Variants in ROBO1 observed in about 807,000 individuals in gnomAD.
The protein encoded by ROBO1 is roundabout homolog 1.
In ROBO1, 149 loss-of-function variants were observed where a neutral mutation model predicts 195.9. The observed-to-expected ratio is 0.76, with a 90% CI of 0.67 to 0.87. The LOEUF is 0.87. ROBO1 is among the 40% of genes least tolerant of loss of function. ROBO1 has a pLI of 0.00. For synonymous variants in ROBO1, 816 were observed against 733.2 expected (o/e 1.11, Z -1.82); for missense variants, 1,933 against 2,068.3 (o/e 0.93, Z 1.27).
chr3:79,708,985 G>T (rs917587427), intron 1 of ROBO1, among the ~76,000 whole-genome samples: 1 of 151,780 alleles, frequency 6.6e-6, no homozygotes, highest in African/African-American at 2.4e-5. Context: ...AAATTTTCCA[G>T]ATCAATTCAA....
At chr3:79,253,156 G>C (rs144440778) in intron 2 of ROBO1, among the ~76,000 whole-genome samples, 1 of 152,088 alleles carries the variant, frequency 6.6e-6, no homozygotes, top group East Asian at 1.9e-4. Context: ...GCAGTGTGTA[G>C]ACAAAAAAGA....
chr3:78,964,323 A>G lies in ROBO1; in HGVS notation c.173-25396T>C, dbSNP rs1380485574. On this transcript the variant is annotated intron_variant, in intron 3 of 30. Transcript: ENST00000464233. ...CTTCAACAACATTTTGGGGGACAAA[A>G]TTCAACCCGTAACCATAGGATAAGC... 4.6e-5 allele frequency among the ~76,000 whole-genome samples: 7 copies of G among 152,214 alleles called. No homozygotes were observed. The South Asian group carries it at 8.3e-4, about 18-fold the overall frequency.
At chr3:79,089,225 C>A (rs2079431962) in intron 3 of ROBO1, among the ~76,000 whole-genome samples, 1 of 152,010 alleles carries the variant, frequency 6.6e-6, no homozygotes, top group Non-Finnish European at 1.5e-5. Context: ...GAAAATGCAA[C>A]CAATAGAGAA....
chr3:79,552,872 A>G (rs1276870936), intron 2 of ROBO1, among the ~76,000 whole-genome samples: 1 of 152,118 alleles, frequency 6.6e-6, no homozygotes, highest in East Asian at 1.9e-4. Flanking sequence ...TTACTGCAAC[A>G]ATCCATACTT....
At chr3:79,725,671 T>A (rs890385678) in intron 1 of ROBO1, among the ~76,000 whole-genome samples, 72 of 152,040 alleles carry the variant, frequency 4.7e-4, no homozygotes, top group Non-Finnish European at 8.8e-4. Flanking sequence ...CCAAATCACC[T>A]CTTCTCCAGT....
intron 2 of ROBO1, among the ~76,000 whole-genome samples, chr3:79,245,673 G>T (rs114478534): frequency 2.5e-4 from 38 of 151,840 alleles, no homozygotes; most frequent in African/African-American, 8.9e-4. Flanking sequence ...AAGTTACATT[G>T]TAGAAGGTAA....
At chr3:78,906,651 T>C (rs988431787) in intron 4 of ROBO1, among the ~76,000 whole-genome samples, 2 of 152,134 alleles carry the variant, frequency 1.3e-5, no homozygotes, top group African/African-American at 2.4e-5. Context: ...TGTTCTCAAA[T>C]GGTTTGATGT....
chr3:78,859,474 T>C (rs2034653246), intron 4 of ROBO1, among the ~76,000 whole-genome samples: 1 of 152,116 alleles, frequency 6.6e-6, no homozygotes, highest in African/African-American at 2.4e-5. Context: ...AACTTTCATA[T>C]TGTGAAGTTC....
chr3:78,735,288 A>G (rs2082369231), intron 5 of ROBO1, among the ~76,000 whole-genome samples: 1 of 152,136 alleles, frequency 6.6e-6, no homozygotes, highest in Non-Finnish European at 1.5e-5. Context: ...AATACTTTTG[A>G]CTACTGTGGT....
chr3:79,523,205 A>T (rs1234998677), intron 2 of ROBO1, among the ~76,000 whole-genome samples: 3 of 151,988 alleles, frequency 2.0e-5, no homozygotes, highest in Non-Finnish European at 4.4e-5. Context: ...AAATTAGTAC[A>T]TAGTGATACA....
intron 2 of ROBO1, among the ~76,000 whole-genome samples, chr3:79,126,906 T>C (rs1195541864): frequency 6.6e-6 from 1 of 152,102 alleles, no homozygotes; most frequent in Admixed American, 6.6e-5. Flanking sequence ...ATGAGTCCAC[T>C]TGGTTTTTTC....
chr3:79,103,824 A>G (rs1390236908), intron 3 of ROBO1, among the ~76,000 whole-genome samples: 3 of 151,810 alleles, frequency 2.0e-5, no homozygotes, highest in Non-Finnish European at 4.4e-5. Context: ...TGACTTTGCT[A>G]TCATCAAAGA....
chr3:78,598,624 G>C lies in ROBO1; in HGVS notation c.*289C>G, dbSNP rs1332465304. On this transcript the variant is annotated 3_prime_UTR_variant, in exon 31 of 31. Coordinates refer to ENST00000464233, the MANE Select transcript of ROBO1 (RefSeq NM_002941.4). ...AGAACAGTTTTGTTCCCTCTTGCTGGCTGATGACTGAAGCAAGAAGTCAAA... is the reference window on the plus strand; with the variant it reads ...AGAACAGTTTTGTTCCCTCTTGCTGCCTGATGACTGAAGCAAGAAGTCAAA... 1 of 282,684 alleles carries C rather than the reference G, an allele frequency of 3.5e-6. No individual in the cohort carries two copies. The highest frequency in any genetic ancestry group is 5.9e-5 in the East Asian group (1 of 16,928). 17.5% of individuals were successfully genotyped at this position (282,684 alleles called of 1,614,324 possible).
rs552258016 is a variant in ROBO1 at position 79,647,213 on chromosome 3, G to A, written c.-50-57252C>T. On this transcript the variant is annotated intron_variant, in intron 1 of 30. Coordinates refer to ENST00000464233, the MANE Select transcript of ROBO1 (RefSeq NM_002941.4). ...AAAATATGTACATCTATTATATATC[G>A]ATAAAAATTTTAAAAATTAAAGCAA... Among the ~76,000 whole-genome samples, 160 of 151,560 alleles carry A rather than the reference G, an allele frequency of 1.1e-3. 2 individuals carry two copies. The highest frequency in any genetic ancestry group is 3.8e-3 in the African/African-American group (156 of 41,280).
At position 78,678,395 on chromosome 3, in the gene ROBO1, T is replaced by C. The variant is rs184357499; in HGVS notation, c.1342+7351A>G. Among the ~76,000 whole-genome samples the C allele has an allele frequency of 2.0e-3, 305 of 152,154 alleles. 2 individuals are homozygous for C. Among genetic ancestry groups the C allele is most frequent in the African/African-American group, 7.0e-3 (292 of 41,506 alleles). On this transcript the variant is annotated intron_variant, in intron 10 of 30. Transcript: ENST00000464233. ...ATTAATGAAACCAAGAGCTGGTTTTTTGAAAGGATCAACAAAATTGATAGA... is the reference window on the plus strand; with the variant it reads ...ATTAATGAAACCAAGAGCTGGTTTTCTGAAAGGATCAACAAAATTGATAGA...
At chr3:79,754,918 T>C (rs912637718) in intron 1 of ROBO1, among the ~76,000 whole-genome samples, 2 of 152,220 alleles carry the variant, frequency 1.3e-5, no homozygotes, top group African/African-American at 2.4e-5. Context: ...TTCACTCTTG[T>C]TGCGCAGGCT....
At chr3:78,962,601 G>A (rs993137240) in intron 3 of ROBO1, among the ~76,000 whole-genome samples, 3 of 151,846 alleles carry the variant, frequency 2.0e-5, no homozygotes, top group South Asian at 2.1e-4. Context: ...CGAGGAGGGC[G>A]GATCACGAGG....
At chr3:78,662,868 G>T (rs1365243642) in intron 14 of ROBO1, among the ~76,000 whole-genome samples, 1 of 152,096 alleles carries the variant, frequency 6.6e-6, no homozygotes, top group Non-Finnish European at 1.5e-5. Context: ...GAATGAAGTG[G>T]CTACTAATGT....
chr3:79,307,044 T>TTA (rs1341031981), intron 2 of ROBO1, among the ~76,000 whole-genome samples: 2 of 151,996 alleles, frequency 1.3e-5, no homozygotes, highest in Non-Finnish European at 2.9e-5. Context: ...GCTTATTCTC[T>TTA]TAGTTCTTAG....
Sources: allele counts gnomAD v4.1 joint callset (sites outside exome capture counted in the v4.1 genomes callset), GRCh38; gene constraint gnomAD v4.1.1; transcripts MANE v1.5; gene names NCBI Gene and HGNC (gene_info 2026-07-23, HGNC 2026-07-21).